MRPS2: variants seen among roughly 807,000 people sequenced by gnomAD.
MRPS2 encodes the protein small ribosomal subunit protein uS2m.
Under a neutral mutation model 18.9 loss-of-function variants are expected in MRPS2, and 13 were observed. The ratio of observed to expected loss-of-function variants is 0.69; its 90% confidence interval spans 0.45 to 1.09. The LOEUF (loss-of-function observed/expected upper bound fraction) is 1.09. Among genes scored for constraint, MRPS2 ranks in the 50% least tolerant of loss-of-function variants. The pLI, the probability that MRPS2 is intolerant of heterozygous loss-of-function variation, is 0.00. For missense variants in MRPS2, 389 were observed against 421.7 expected, an observed-to-expected ratio of 0.92 and a Z score of 0.68; for synonymous variants, 186 against 178.4, an observed-to-expected ratio of 1.04 and a Z score of -0.34.
intron 1 of MRPS2, 56 bp downstream of exon 1, chr9:135,500,809 G>T: frequency 6.7e-7 from 1 of 1,492,894 alleles, no homozygotes; most frequent in South Asian, 1.3e-5. Context: ...ATGCGGAGGG[G>T]CGCGGGGACC....
At chr9:135,501,374 A>AG in intron 2 of MRPS2, 15 of 1,340,674 alleles carry the variant, frequency 1.1e-5, no homozygotes, top group East Asian at 3.1e-5. Flanking sequence ...TTCGCTCCCT[A>AG]GGGGGGTGTC....
At position 135,503,307 on chromosome 9, in the gene MRPS2, GAGGTAGAGGGT is replaced by G; in HGVS notation, c.300-231_300-221del. On this transcript the variant is annotated intron_variant, in intron 3 of 3. Coordinates refer to ENST00000241600, the MANE Select transcript of MRPS2 (RefSeq NM_016034.5). ...AGTTCTATTAGGATTCCTTCGGGAA[GAGGTAGAGGGT>G]AGGAGGGGTTAAGCCACGAGACGAG... The G allele has an allele frequency of 3.6e-6, 5 of 1,404,822 alleles. No homozygotes were observed. In the South Asian group the frequency reaches 8.1e-5, roughly 23 times the overall value. 87.0% of individuals were successfully genotyped at this position (1,404,822 alleles called of 1,614,324 possible).
At chr9:135,502,060 C>T in intron 3 of MRPS2, 87 bp downstream of exon 3, 6 of 1,585,408 alleles carry the variant, frequency 3.8e-6, no homozygotes, top group Non-Finnish European at 5.1e-6. Context: ...TTGAACTGGC[C>T]TATGTCAGTT....
At position 135,503,940 on chromosome 9, in the gene MRPS2, C is replaced by G. The variant is rs146494247; in HGVS notation, c.698C>G (p.Thr233Ser). The change falls in exon 4 of 4, where the codon ACC (threonine) becomes AGC (serine). Residue 233 changes from threonine (T) to serine (S), a missense_variant. Physicochemically the swap from Thr to Ser is moderately conservative, Grantham distance 58 (BLOSUM62 1). Coordinates refer to ENST00000241600, the MANE Select transcript of MRPS2 (RefSeq NM_016034.5). ...ACCAACTGCAACCCCTGCCTCATCACCTACCCTGTACCCGGCAATGACGAC... is the reference window on the plus strand; with the variant it reads ...ACCAACTGCAACCCCTGCCTCATCAGCTACCCTGTACCCGGCAATGACGAC... The part of the protein sequence containing the change: ...VDTNCNPCLI[T>S]YPVPGNDDSP... 47 of 1,613,854 alleles carry G rather than the reference C, an allele frequency of 2.9e-5. No homozygotes were observed. In the African/African-American group the frequency reaches 5.9e-4, roughly 20 times the overall value.
In MRPS2 at chr9:135,500,970, G is replaced by A. The variant is rs1242862326; in HGVS notation, c.44-28G>A. On this transcript the variant is annotated intron_variant, in intron 1 of 3. Transcript: ENST00000241600. Reference sequence around the variant, plus strand: ...GGGCGTGGTGCATTCGGGACTCGGCGCCAGGACCTCTATCTACTTCCCCCC... The same window carrying A: ...GGGCGTGGTGCATTCGGGACTCGGCACCAGGACCTCTATCTACTTCCCCCC... The A allele has an allele frequency of 3.1e-6, 5 of 1,610,688 alleles. No individual in the cohort carries two copies. The South Asian group carries it at 3.3e-5, about 11-fold the overall frequency.
upstream of MRPS2, chr9:135,500,189 T>G: frequency 2.8e-6 from 1 of 352,122 alleles, no homozygotes; most frequent in African/African-American, 2.1e-5. Flanking sequence ...GCACTGCAGG[T>G]CCACTCGGCA....
At chr9:135,502,357 TGGGG>T (rs1831167590) in intron 3 of MRPS2, 1 of 221,348 alleles carries the variant, frequency 4.5e-6, no homozygotes, top group Admixed American at 8.3e-5. Flanking sequence ...TTGACTGCTG[TGGGG>T]GGAGGGGATG....
In MRPS2 at chr9:135,504,351, CAT is replaced by C. The variant is rs1168510020; in HGVS notation, c.*219_*220del. 2.2e-5 allele frequency: 13 copies of C among 596,458 alleles called. No individual in the cohort carries two copies. Among genetic ancestry groups the C allele is most frequent in the Non-Finnish European group, 3.3e-5 (11 of 337,468 alleles). 36.9% of individuals were successfully genotyped at this position (596,458 alleles called of 1,614,324 possible). ...GGAACAGAGCACAGAGGGTGAGCGACATGTGCAGAACGGCCCCTTGGCTGCAG... is the reference window on the plus strand; with the variant it reads ...GGAACAGAGCACAGAGGGTGAGCGACGTGCAGAACGGCCCCTTGGCTGCAG... On this transcript the variant is annotated 3_prime_UTR_variant, in exon 4 of 4. Coordinates refer to ENST00000241600, the MANE Select transcript of MRPS2 (RefSeq NM_016034.5). This position sits in a 1 kb window ranked among gnomAD's most constrained non-coding sequence, Gnocchi z 4.3.
At chr9:135,500,560 G>A (rs1192072325), upstream of MRPS2, 14 of 812,684 alleles carry the variant, frequency 1.7e-5, no homozygotes, top group Admixed American at 8.3e-5. Flanking sequence ...CGCGTGCCCC[G>A]CCCCCGCAGG....
rs140446652 is a variant in MRPS2, at chr9:135,503,861, G to A, written c.619G>A (p.Val207Met). 10 of 1,613,928 alleles carry A rather than the reference G, an allele frequency of 6.2e-6. No homozygotes were observed. The South Asian group carries it at 8.8e-5, about 14-fold the overall frequency. The change falls in exon 4 of 4, where the codon GTG (valine) becomes ATG (methionine). Residue 207 changes from valine to methionine, a missense_variant. By Grantham distance (21) the Val-to-Met change is conservative. Coordinates refer to ENST00000241600, the MANE Select transcript of MRPS2 (RefSeq NM_016034.5). ...HTLNNIFEPH[V>M]AVRDAAKMNI... Reference sequence around the variant, plus strand: ...GCTCAACAACATCTTTGAGCCACACGTGGCCGTGAGAGACGCAGCCAAGAT... The same window carrying A: ...GCTCAACAACATCTTTGAGCCACACATGGCCGTGAGAGACGCAGCCAAGAT...
chr9:135,501,620 C>T, intron 2 of MRPS2: 1 of 1,356,094 alleles, frequency 7.4e-7, no homozygotes, highest in Non-Finnish European at 9.5e-7. Context: ...CAGGTTCGAC[C>T]AGGCTTACCC....
chr9:135,501,767 G>T, intron 2 of MRPS2, 77 bp from the exon 3 acceptor site: 1 of 1,576,306 alleles, frequency 6.3e-7, no homozygotes, highest in Non-Finnish European at 8.6e-7. Flanking sequence ...GGGAGCAGGG[G>T]TGGGCGGGAA....
In MRPS2 at chr9:135,504,328, AACAGAGC is replaced by A. The variant is rs1372902293; in HGVS notation, c.*202_*208del. 1.6e-5 allele frequency: 10 copies of A among 617,714 alleles called. No individual in the cohort carries two copies. Among genetic ancestry groups the A allele is most frequent in the Non-Finnish European group, 2.8e-5 (10 of 354,050 alleles). The allele number at this position is 617,714 out of a possible 1,614,324, so 38.3% of individuals were successfully genotyped here. ...TGCCATGTGCGTTTGCTCTGTGGGG[AACAGAGC>A]ACAGAGGGTGAGCGACATGTGCAGA... On this transcript the variant is annotated 3_prime_UTR_variant, in exon 4 of 4. Coordinates refer to ENST00000241600, the MANE Select transcript of MRPS2 (RefSeq NM_016034.5). This position sits in a 1 kb window ranked among gnomAD's most constrained non-coding sequence, Gnocchi z 4.3.
intron 2 of MRPS2, chr9:135,501,379 G>T: frequency 1.5e-6 from 2 of 1,327,804 alleles, no homozygotes; most frequent in Non-Finnish European, 1.9e-6. Context: ...TCCCTAGGGG[G>T]GTGTCACTGG....
intron 3 of MRPS2, chr9:135,503,229 G>A (rs1588370005): frequency 1.6e-6 from 2 of 1,212,680 alleles, no homozygotes; most frequent in African/African-American, 1.6e-5. Context: ...AGCTGCACGG[G>A]GCAGAATGTC....
chr9:135,501,897 G>A lies in MRPS2; in HGVS notation c.223G>A (p.Val75Ile). ...EPLKHSDFFN[V>I]KELFSVRSLF... ...CCTCAAGCACTCTGACTTCTTCAAT[G>A]TCAAGGAACTGTTTTCCGTGAGAAG... Residue 75 changes from valine to isoleucine, a missense_variant, in exon 3 of 4, where the codon GTC (valine) becomes ATC (isoleucine). Transcript: ENST00000241600. 4.3e-6 allele frequency: 7 copies of A among 1,613,882 alleles called. No homozygotes were observed. The highest frequency in any genetic ancestry group is 5.1e-6 in the Non-Finnish European group (6 of 1,179,996).
intron 3 of MRPS2, chr9:135,503,272 A>G: frequency 1.5e-6 from 2 of 1,328,730 alleles, no homozygotes; most frequent in South Asian, 1.9e-5. Flanking sequence ...CCACACATCC[A>G]TATGGGGTCA....
At chr9:135,501,609 C>T in intron 2 of MRPS2, 1 of 1,318,504 alleles carries the variant, frequency 7.6e-7, no homozygotes, top group Non-Finnish European at 9.8e-7. Context: ...ACGGGGTTGA[C>T]CAGGTTCGAC....
In MRPS2 at chr9:135,503,983, C is replaced by T. The variant is rs1472687688; in HGVS notation, c.741C>T (p.His247=). The change falls in exon 4 of 4, where the codon CAC becomes CAT. Residue 247 remains histidine, a synonymous_variant. Transcript: ENST00000241600. ...ATGACGACTCTCCGCTGGCTGTGCA[C>T]CTCTACTGCAGGCTCTTCCAGACGG... The part of the protein sequence containing the change: ...PGNDDSPLAV[H]LYCRLFQTAI... 2.5e-6 allele frequency: 4 copies of T among 1,613,604 alleles called. No homozygotes were observed. The highest frequency in any genetic ancestry group is 3.4e-6 in the Non-Finnish European group (4 of 1,180,042).
Sources: gnomAD v4.1 joint callset for allele counts on GRCh38, gnomAD v4.1.1 for gene constraint, Gnocchi (gnomAD v3.1) non-coding constraint, MANE v1.5 for transcripts, NCBI Gene and HGNC (gene_info 2026-07-23, HGNC 2026-07-21) for gene names.